Variants in SHISA6 observed in about 807,000 individuals in gnomAD.
The protein encoded by SHISA6 is shisa family member 6.
In SHISA6, 22 loss-of-function variants were observed where a neutral mutation model predicts 47.9. The observed-to-expected ratio is 0.46, with a 90% CI of 0.33 to 0.66. The LOEUF (loss-of-function observed/expected upper bound fraction) is 0.66, where lower values mean the gene tolerates loss of function less well. Among genes scored for constraint, SHISA6 ranks in the 30% least tolerant of loss-of-function variants. The probability of loss-of-function intolerance (pLI) is 0.02; values close to 1 mark genes in which losing one functional copy is unlikely to be tolerated. For missense variants in SHISA6, 680 were observed against 764.6 expected, an observed-to-expected ratio of 0.89 and a Z score of 1.30; for synonymous variants, 388 against 337.8, an observed-to-expected ratio of 1.15 and a Z score of -1.63.
chr17:11,543,367 C>T (rs9910433), intron 3 of SHISA6, among the ~76,000 whole-genome samples: 3,405 of 152,138 alleles, frequency 0.022, 111 homozygotes, highest in African/African-American at 0.078. Context: ...TTAGTTAATT[C>T]TGAGGATTGT....
chr17:11,325,064 A>C (rs1910832274), intron 2 of SHISA6, among the ~76,000 whole-genome samples: 1 of 152,176 alleles, frequency 6.6e-6, no homozygotes. Context: ...ATATCTGTGA[A>C]AATCATTCTG....
chr17:11,476,113 G>A (rs79102762), intron 3 of SHISA6, among the ~76,000 whole-genome samples: 12 of 151,868 alleles, frequency 7.9e-5, no homozygotes, highest in East Asian at 3.9e-4. Context: ...GTTAACATTC[G>A]TGGGATCTGT....
At chr17:11,297,927 C>T (rs960935156) in intron 2 of SHISA6, among the ~76,000 whole-genome samples, 6 of 152,066 alleles carry the variant, frequency 3.9e-5, no homozygotes, top group African/African-American at 9.7e-5. Flanking sequence ...GGTTGGAGGA[C>T]GAGAAAGTTC....
chr17:11,436,772 G>A (rs984527837), intron 3 of SHISA6, among the ~76,000 whole-genome samples: 9 of 152,116 alleles, frequency 5.9e-5, no homozygotes, highest in South Asian at 2.1e-4. Flanking sequence ...ACTTTACTTC[G>A]TTGTTTTAGT....
At chr17:11,554,377 A>G (rs2071957036) in intron 4 of SHISA6, among the ~76,000 whole-genome samples, 1 of 152,086 alleles carries the variant, frequency 6.6e-6, no homozygotes, top group African/African-American at 2.4e-5. Context: ...CTCAGTCCCC[A>G]GTGTTGGGGG....
chr17:11,469,238 C>T (rs1479334160), intron 3 of SHISA6, among the ~76,000 whole-genome samples: 5 of 152,004 alleles, frequency 3.3e-5, no homozygotes, highest in Non-Finnish European at 1.5e-5. Context: ...ATTATCTGGG[C>T]AGGCTCAATG....
chr17:11,329,387 G>A (rs169505), intron 2 of SHISA6, among the ~76,000 whole-genome samples: 87,169 of 152,028 alleles, frequency 0.57, 25,173 homozygotes, highest in Middle Eastern at 0.68. Flanking sequence ...TAATGTGCAT[G>A]GGGGTAGGGT....
chr17:11,448,387 G>T (rs9911165), intron 3 of SHISA6, among the ~76,000 whole-genome samples: 45,690 of 147,568 alleles, frequency 0.31, 7,170 homozygotes, highest in African/African-American at 0.38. Context: ...AATTAGCCGG[G>T]CGTGGTGGTG....
At chr17:11,557,682 G>A (rs1407262384) in intron 5 of SHISA6, 72 bp from the exon 6 acceptor site, 9 of 1,415,140 alleles carry the variant, frequency 6.4e-6, no homozygotes, top group African/African-American at 2.9e-5. Context: ...CAGGAGCGGG[G>A]CAGGGTTCTA....
At chr17:11,246,928 A>G (rs942635111) in intron 1 of SHISA6, among the ~76,000 whole-genome samples, 5 of 152,284 alleles carry the variant, frequency 3.3e-5, no homozygotes, top group Middle Eastern at 3.4e-3. Context: ...CACATTGCTC[A>G]CTGTCTTCAT....
At chr17:11,361,003 A>G (rs1357152390) in intron 2 of SHISA6, among the ~76,000 whole-genome samples, 1 of 147,872 alleles carries the variant, frequency 6.8e-6, no homozygotes, top group Non-Finnish European at 1.5e-5. Context: ...TGTCGTCTTT[A>G]TCATATTCTC....
intron 3 of SHISA6, among the ~76,000 whole-genome samples, chr17:11,464,598 C>T (rs932021413): frequency 1.6e-4 from 25 of 152,294 alleles, no homozygotes; most frequent in African/African-American, 4.8e-4. Flanking sequence ...CAGAGTTCCA[C>T]GGTAGAGGAA....
rs554490252 is a variant in SHISA6, at chr17:11,365,386, T to C, written c.800-14028T>C. Among the ~76,000 whole-genome samples the C allele has an allele frequency of 2.4e-4, 37 of 152,212 alleles. No homozygotes were observed. In the East Asian group the frequency reaches 6.4e-3, roughly 26 times the overall value. On this transcript the variant is annotated intron_variant, in intron 2 of 5. Transcript: ENST00000441885. ...TCTGCCTCCCAGATTCAAGCGATTC[T>C]CTTGCCTCAGCCTCCCAAGTAGCTG...
intron 2 of SHISA6, among the ~76,000 whole-genome samples, chr17:11,287,266 A>C (rs1050627192): frequency 6.7e-6 from 1 of 148,642 alleles, no homozygotes; most frequent in Admixed American, 6.6e-5. Context: ...GGAAGGAAGG[A>C]AGCAAGGAAG....
chr17:11,522,166 C>T (rs545977966), intron 3 of SHISA6, among the ~76,000 whole-genome samples: 1 of 151,974 alleles, frequency 6.6e-6, no homozygotes, highest in Non-Finnish European at 1.5e-5. Flanking sequence ...GGGGTTTCAC[C>T]GTGTTAGCCA....
intron 2 of SHISA6, among the ~76,000 whole-genome samples, chr17:11,350,401 C>CG (rs1911847987): frequency 6.7e-6 from 1 of 149,934 alleles, no homozygotes; most frequent in African/African-American, 2.5e-5. Flanking sequence ...AGGATGGTCT[C>CG]GATCTCCTGA....
chr17:11,506,526 A>T (rs1222790333), intron 3 of SHISA6, among the ~76,000 whole-genome samples: 1 of 152,156 alleles, frequency 6.6e-6, no homozygotes, highest in African/African-American at 2.4e-5. Flanking sequence ...ATCATATGAG[A>T]ACTGACAGAG....
intron 2 of SHISA6, among the ~76,000 whole-genome samples, chr17:11,366,533 G>T (rs1372114098): frequency 6.6e-6 from 1 of 152,234 alleles, no homozygotes; most frequent in African/African-American, 2.4e-5. Context: ...AGACTTTTCT[G>T]TGTGTTATGC....
chr17:11,473,925 C>T (rs1463557885), intron 3 of SHISA6, among the ~76,000 whole-genome samples: 1 of 151,920 alleles, frequency 6.6e-6, no homozygotes, highest in Non-Finnish European at 1.5e-5. Context: ...CATCCCCCAA[C>T]AGGCCCCAGT....
Sources: allele counts gnomAD v4.1 joint callset (sites outside exome capture counted in the v4.1 genomes callset), GRCh38; gene constraint gnomAD v4.1.1; transcripts MANE v1.5; gene names NCBI Gene and HGNC (gene_info 2026-07-23, HGNC 2026-07-21).